The following CECR2 variants were observed in gnomAD, a reference collection of about 807,000 sequenced individuals.
The protein encoded by CECR2 is chromatin remodeling regulator CECR2.
In CECR2, 30 loss-of-function variants were observed where a neutral mutation model predicts 154.5. That is an observed-to-expected ratio of 0.19 (90% CI 0.15 to 0.26). CECR2 has a LOEUF of 0.26. Among genes scored for constraint, CECR2 ranks in the 10% least tolerant of loss-of-function variants. CECR2 has a pLI of 1.00. For missense variants in CECR2, 1,743 were observed against 1,829.3 expected, an observed-to-expected ratio of 0.95 and a Z score of 0.86; for synonymous variants, 725 against 683.7, an observed-to-expected ratio of 1.06 and a Z score of -0.94.
chr22:17,503,129 A>G lies in CECR2; in HGVS notation c.698A>G (p.His233Arg), dbSNP rs762285421. The G allele has an allele frequency of 3.1e-6, 5 of 1,611,798 alleles. No individual in the cohort carries two copies. Among genetic ancestry groups the G allele is most frequent in the East Asian group, 4.5e-5 (2 of 44,876 alleles). ...TTGGCATCCGAGCCACAGACAAGAC[A>G]TGGTAATGTTCTTTACTGGCATTTA... is the stretch of plus-strand genomic sequence containing the variant. ...NSLASEPQTR[H>R]GSQGPGQGTW... is the part of the protein sequence containing the mutation. Residue 233 changes from histidine to arginine, a missense_variant and splice_region_variant, in exon 6 of 19, where the codon CAT becomes CGT. His to Arg is a conservative substitution (Grantham distance 29). This residue lies in a region of CECR2 where 292 missense variants were observed against 301.2 expected (regional missense o/e 0.97). Coordinates refer to ENST00000262608, the MANE Select transcript of CECR2 (RefSeq NM_001290047.2).
chr22:17,360,715 T>G (rs1424696025), intron 1 of CECR2, among the ~76,000 whole-genome samples: 1 of 148,216 alleles, frequency 6.7e-6, no homozygotes, highest in Non-Finnish European at 1.5e-5. Flanking sequence ...CATGGTGACA[T>G]GTGCCTGTAA....
intron 1 of CECR2, among the ~76,000 whole-genome samples, chr22:17,417,107 G>A (rs975372952): frequency 5.4e-5 from 8 of 148,162 alleles, no homozygotes; most frequent in South Asian, 2.1e-4. Context: ...TTTTACCCTC[G>A]TTAATTCTTG....
At chr22:17,378,479 G>A (rs1326839690) in intron 1 of CECR2, among the ~76,000 whole-genome samples, 1 of 151,822 alleles carries the variant, frequency 6.6e-6, no homozygotes, top group Non-Finnish European at 1.5e-5. Context: ...TGTATTTTTA[G>A]TAGAGACGGG....
intron 1 of CECR2, among the ~76,000 whole-genome samples, chr22:17,452,333 C>T (rs1466797188): frequency 6.6e-6 from 1 of 152,200 alleles, no homozygotes; most frequent in Non-Finnish European, 1.5e-5. Context: ...CTTGGCCTCC[C>T]AAAGTGCTGG....
chr22:17,532,837 C>T (rs1401150264), intron 9 of CECR2, among the ~76,000 whole-genome samples: 1 of 147,344 alleles, frequency 6.8e-6, no homozygotes, highest in Non-Finnish European at 1.5e-5. Context: ...CCTGCCTCAG[C>T]CTCCAAAGTA....
In CECR2 at chr22:17,370,778, T is replaced by C. The variant is rs556493569; in HGVS notation, c.126+869T>C. ...GCGCGGCGCACTCGGCGGCCAGGCATCGGCCAGCCCAGCGGCAGCCCCCTT... is the reference window on the plus strand; with the variant it reads ...GCGCGGCGCACTCGGCGGCCAGGCACCGGCCAGCCCAGCGGCAGCCCCCTT... On this transcript the variant is annotated intron_variant, in intron 1 of 18. Coordinates refer to ENST00000262608, the MANE Select transcript of CECR2 (RefSeq NM_001290047.2). Among the ~76,000 whole-genome samples, 84 of 152,304 alleles carry C rather than the reference T, an allele frequency of 5.5e-4. 1 individual carries two copies. In the East Asian group the frequency reaches 0.016, roughly 28 times the overall value.
intron 1 of CECR2, among the ~76,000 whole-genome samples, chr22:17,414,168 T>A (rs555861196): frequency 6.6e-6 from 1 of 151,398 alleles, no homozygotes; most frequent in Non-Finnish European, 1.5e-5. Flanking sequence ...GAGATGGGAT[T>A]TCACTGTGTT....
intron 1 of CECR2, among the ~76,000 whole-genome samples, chr22:17,476,638 A>C (rs1401015228): frequency 6.6e-6 from 1 of 152,160 alleles, no homozygotes; most frequent in Admixed American, 6.5e-5. Context: ...CAGAACCGTT[A>C]ATAAGATTGT....
Position 17,548,639 on chromosome 22 carries a change from C to T in CECR2, c.3352C>T (p.Pro1118Ser). 6.2e-7 allele frequency: 1 copy of T among 1,613,052 alleles called. No homozygotes were observed. The highest frequency in any genetic ancestry group is 1.1e-5 in the South Asian group (1 of 90,852). ...GGGAGGCACTGTGAGCCAGTTTCCC[C>T]CGCTGTATATGCCTGGCCTAGAGTA... ...LTGGTVSQFPPLYMPGLEYPN... is the reference protein window; with the variant it reads ...LTGGTVSQFPSLYMPGLEYPN... Residue 1118 changes from proline (P) to serine (S), a missense_variant, in exon 17 of 19, where the codon CCG becomes TCG. Coordinates refer to ENST00000262608, the MANE Select transcript of CECR2 (RefSeq NM_001290047.2).
At chr22:17,450,961 C>T (rs541826075) in intron 1 of CECR2, among the ~76,000 whole-genome samples, 2 of 152,234 alleles carry the variant, frequency 1.3e-5, no homozygotes, top group African/African-American at 2.4e-5. Context: ...CTCTGCTTTT[C>T]GTTGCACCTT....
At chr22:17,460,828 T>G (rs1272366536) in intron 1 of CECR2, among the ~76,000 whole-genome samples, 1 of 152,194 alleles carries the variant, frequency 6.6e-6, no homozygotes, top group Admixed American at 6.5e-5. Flanking sequence ...ATTTTTGGGG[T>G]GTAGGGGAAG....
At chr22:17,415,272 C>G (rs776081623) in intron 1 of CECR2, among the ~76,000 whole-genome samples, 8 of 152,086 alleles carry the variant, frequency 5.3e-5, no homozygotes, top group Non-Finnish European at 1.2e-4. Flanking sequence ...GACAGGGTCT[C>G]TGTCGCCCAG....
intron 1 of CECR2, among the ~76,000 whole-genome samples, chr22:17,448,275 G>A (rs1423513921): frequency 6.6e-6 from 1 of 152,168 alleles, no homozygotes; most frequent in Non-Finnish European, 1.5e-5. Flanking sequence ...AATTAAACAG[G>A]TGGGCTAGTA....
At chr22:17,426,193 A>T (rs1450206231) in intron 1 of CECR2, among the ~76,000 whole-genome samples, 1 of 152,204 alleles carries the variant, frequency 6.6e-6, no homozygotes, top group Non-Finnish European at 1.5e-5. Context: ...TCTTTAAAAA[A>T]ACAAAAACCC....
At chr22:17,404,122 C>T (rs1173684226) in intron 1 of CECR2, among the ~76,000 whole-genome samples, 2 of 151,186 alleles carry the variant, frequency 1.3e-5, no homozygotes, top group Non-Finnish European at 3.0e-5. Flanking sequence ...AGCCGGGCGT[C>T]ATGTTGCACG....
intron 2 of CECR2, among the ~76,000 whole-genome samples, chr22:17,483,501 C>G (rs1224253347): frequency 6.6e-6 from 1 of 152,096 alleles, no homozygotes; most frequent in Non-Finnish European, 1.5e-5. Flanking sequence ...TGCATGTAGT[C>G]TAAGCTACTA....
chr22:17,360,690 A>G (rs2062972555), intron 1 of CECR2, among the ~76,000 whole-genome samples: 1 of 151,992 alleles, frequency 6.6e-6, no homozygotes, highest in African/African-American at 2.4e-5. Flanking sequence ...AAAAAAAAAA[A>G]AAAATTAGTC....
At chr22:17,391,429 G>A (rs1202639140) in intron 1 of CECR2, among the ~76,000 whole-genome samples, 1 of 152,196 alleles carries the variant, frequency 6.6e-6, no homozygotes, top group Non-Finnish European at 1.5e-5. Flanking sequence ...AGAGTTGATT[G>A]GAATCACTCT....
At chr22:17,524,036 T>C in intron 8 of CECR2, 82 bp from the exon 9 acceptor site, 1 of 1,119,616 alleles carries the variant, frequency 8.9e-7, no homozygotes, top group Non-Finnish European at 1.3e-6. Flanking sequence ...TTGTTGAAAA[T>C]ACTGAATTCA....
Sources: gnomAD v4.1 joint callset for allele counts (sites outside exome capture counted in the v4.1 genomes callset) on GRCh38, gnomAD v4.1.1 for gene constraint, gnomAD v4.1.1 regional missense constraint, MANE v1.5 for transcripts, NCBI Gene and HGNC (gene_info 2026-07-23, HGNC 2026-07-21) for gene names.